The following CLMP variants were observed in gnomAD, a reference collection of about 807,000 sequenced individuals.
CLMP encodes CXADR like cell adhesion molecule.
In CLMP, 27 loss-of-function variants were observed where a neutral mutation model predicts 45.2. The observed-to-expected ratio is 0.60, with a 90% confidence interval of 0.44 to 0.82. The LOEUF is 0.82. Among genes scored for constraint, CLMP ranks in the 40% least tolerant of loss-of-function variants. The probability of loss-of-function intolerance (pLI) is 0.00; values close to 1 mark genes in which losing one functional copy is unlikely to be tolerated. For synonymous variants in CLMP, 167 were observed against 171.4 expected, an observed-to-expected ratio of 0.97 and a Z score of 0.20; for missense variants, 403 against 448.4, an observed-to-expected ratio of 0.90 and a Z score of 0.91.
In CLMP at chr11:123,080,206, A is replaced by G. The variant is rs116306733; in HGVS notation, c.679+2879T>C. ...CTGAGATCTAAGAGATCTAACATCTAAGAAAGCAAACTGCAGTGCTTTTGC... is the reference window on the plus strand; with the variant it reads ...CTGAGATCTAAGAGATCTAACATCTGAGAAAGCAAACTGCAGTGCTTTTGC... On this transcript the variant is annotated intron_variant, in intron 5 of 6. Coordinates refer to ENST00000448775, the MANE Select transcript of CLMP (RefSeq NM_024769.5). Among the ~76,000 whole-genome samples, 151 of 152,346 alleles carry G rather than the reference A, an allele frequency of 9.9e-4. 1 individual carries two copies. Among genetic ancestry groups the G allele is most frequent in the African/African-American group, 3.5e-3 (144 of 41,574 alleles).
At position 123,101,553 on chromosome 11, in the gene CLMP, A is replaced by G. The variant is rs1866060436; in HGVS notation, c.29-3601T>C. ...AATGGAGCAGGGGAGATTGTGCTTC[A>G]TTCTGCAGCAAGGCTGCTTGGGCTG... On this transcript the variant is annotated intron_variant, in intron 1 of 6. Transcript: ENST00000448775. 3.3e-5 allele frequency among the ~76,000 whole-genome samples: 5 copies of G among 152,222 alleles called. No homozygotes were observed. In the South Asian group the frequency reaches 1.0e-3, roughly 31 times the overall value.
At chr11:123,137,147 C>CTTTTTTTTTTTTTTT (rs375816483) in intron 1 of CLMP, among the ~76,000 whole-genome samples, 194 of 82,476 alleles carry the variant, frequency 2.4e-3, no homozygotes, top group Non-Finnish European at 2.8e-3. Flanking sequence ...TTTTCTTTTT[C>CTTTTTTTTTTTTTTT]TTTTTTTTTT....
chr11:123,084,647 A>G lies in CLMP; in HGVS notation c.253T>C (p.Phe85Leu). 2 of 1,614,224 alleles carry G rather than the reference A, an allele frequency of 1.2e-6. No individual in the cohort carries two copies. The highest frequency in any genetic ancestry group is 1.7e-6 in the Non-Finnish European group (2 of 1,180,042). The change falls in exon 3 of 7, where the codon TTT (phenylalanine) becomes CTT (leucine). Residue 85 changes from phenylalanine (F) to leucine (L), a missense_variant. Coordinates refer to ENST00000448775, the MANE Select transcript of CLMP (RefSeq NM_024769.5). ...LTEEQKGRVA[F>L]ASNFLAGDAS... ...TCTCCTGCCAGGAAATTGGAAGCAA[A>G]GGCCACTCGGCCCTTCTGTTCCTCA...
intron 2 of CLMP, among the ~76,000 whole-genome samples, chr11:123,087,852 G>A (rs1865883393): frequency 6.6e-6 from 1 of 151,860 alleles, no homozygotes; most frequent in Admixed American, 6.6e-5. Flanking sequence ...AAAAATGTTT[G>A]TAGGGTGTTG....
At chr11:123,150,480 A>AAAGAAAGAGG (rs764502298) in intron 1 of CLMP, among the ~76,000 whole-genome samples, 84 of 40,990 alleles carry the variant, frequency 2.0e-3, no homozygotes, top group Non-Finnish European at 3.3e-3. Flanking sequence ...AGAAAGAAAG[A>AAAGAAAGAGG]AAGGAAGGAA....
chr11:123,159,396 G>A (rs940201444), intron 1 of CLMP, among the ~76,000 whole-genome samples: 10 of 152,204 alleles, frequency 6.6e-5, no homozygotes, highest in Admixed American at 2.0e-4. Context: ...AAACAGGTGC[G>A]GTGGGTGAGG....
chr11:123,189,885 C>A (rs1202051817), intron 1 of CLMP, among the ~76,000 whole-genome samples: 1 of 151,760 alleles, frequency 6.6e-6, no homozygotes, highest in African/African-American at 2.4e-5. Context: ...GCCTGTAATC[C>A]CAGCTACTCA....
Position 123,163,140 on chromosome 11 carries a change from A to G in CLMP, c.28+31773T>C, listed in dbSNP as rs187299789. Among the ~76,000 whole-genome samples the G allele has an allele frequency of 1.4e-4, 22 of 152,254 alleles. No individual in the cohort carries two copies. The East Asian group carries it at 3.9e-3, about 27-fold the overall frequency. On this transcript the variant is annotated intron_variant, in intron 1 of 6. Coordinates refer to ENST00000448775, the MANE Select transcript of CLMP (RefSeq NM_024769.5). ...AAGGGTGTCCACAAATTCCCTAAGC[A>G]AAGAGGCAAGGGAGACAAAGAACAG...
intron 1 of CLMP, chr11:123,136,115 A>C (rs1243138990): frequency 4.8e-6 from 3 of 619,298 alleles, no homozygotes; most frequent in Non-Finnish European, 9.5e-6. Flanking sequence ...CGTAGCCACT[A>C]TGACTAGCAA....
At chr11:123,143,118 G>A (rs1861188608) in intron 1 of CLMP, among the ~76,000 whole-genome samples, 1 of 152,156 alleles carries the variant, frequency 6.6e-6, no homozygotes, top group African/African-American at 2.4e-5. Context: ...GGACACTGTG[G>A]AGTTCTGGGT....
intron 1 of CLMP, among the ~76,000 whole-genome samples, chr11:123,146,586 G>T (rs1238233360): frequency 6.6e-6 from 1 of 151,904 alleles, no homozygotes; most frequent in African/African-American, 2.4e-5. Context: ...TAAAATTCTG[G>T]CCTCAGCCTG....
chr11:123,144,052 G>A (rs925150989), intron 1 of CLMP, among the ~76,000 whole-genome samples: 7 of 151,844 alleles, frequency 4.6e-5, no homozygotes, highest in African/African-American at 1.5e-4. Flanking sequence ...CAAGTGATCC[G>A]TCTGCCTCAG....
chr11:123,093,877 C>T (rs1052902961), intron 2 of CLMP, among the ~76,000 whole-genome samples: 1 of 152,148 alleles, frequency 6.6e-6, no homozygotes, highest in Non-Finnish European at 1.5e-5. Context: ...AGCAGCTCAA[C>T]TTTCTGGCAG....
At chr11:123,194,852 C>T (rs1442066707) in intron 1 of CLMP, 61 bp downstream of exon 1, 5 of 1,603,528 alleles carry the variant, frequency 3.1e-6, no homozygotes, top group Middle Eastern at 1.7e-4. Context: ...GCGTCTTTCC[C>T]GGACGCAGGG....
At chr11:123,149,790 C>CCTTT (rs56251948) in intron 1 of CLMP, among the ~76,000 whole-genome samples, 51,505 of 149,692 alleles carry the variant, frequency 0.34, 9,574 homozygotes, top group African/African-American at 0.49. Flanking sequence ...TTTCTTTCTT[C>CCTTT]CTTTCTTTCT....
At position 123,152,478 on chromosome 11, in the gene CLMP, G is replaced by A. The variant is rs542035584; in HGVS notation, c.28+42435C>T. Among the ~76,000 whole-genome samples, 292 of 151,784 alleles carry A rather than the reference G, an allele frequency of 1.9e-3. 1 individual carries two copies. Among genetic ancestry groups the A allele is most frequent in the African/African-American group, 6.6e-3 (272 of 41,396 alleles). ...GTAGAGGTTGCAGTGAGCCGAGATC[G>A]TGCCACTGCACTCTAGCCTGGATGA... On this transcript the variant is annotated intron_variant, in intron 1 of 6. Coordinates refer to ENST00000448775, the MANE Select transcript of CLMP (RefSeq NM_024769.5).
At chr11:123,187,029 T>A (rs1163371246) in intron 1 of CLMP, among the ~76,000 whole-genome samples, 1 of 152,130 alleles carries the variant, frequency 6.6e-6, no homozygotes, top group Admixed American at 6.5e-5. Flanking sequence ...ACAACAGACA[T>A]TCATTTACTA....
intron 1 of CLMP, among the ~76,000 whole-genome samples, chr11:123,098,304 T>G (rs957691566): frequency 6.6e-6 from 1 of 152,110 alleles, no homozygotes; most frequent in African/African-American, 2.4e-5. Context: ...CTCGGCTCAC[T>G]GCAACCTCTG....
rs1861963458 is a variant in CLMP, at chr11:123,195,074, C to T, written c.-134G>A. On this transcript the variant is annotated 5_prime_UTR_variant, in exon 1 of 7. Transcript: ENST00000448775. ...GCGCGAGGTGGCTGCAGCCATGTGC[C>T]GGGCGGGAGCCGGCCCCGCGCCCCG... 2.8e-6 allele frequency: 2 copies of T among 712,620 alleles called. No homozygotes were observed. The highest frequency in any genetic ancestry group is 3.9e-6 in the Non-Finnish European group (2 of 511,990). The allele number at this position is 712,620 out of a possible 1,614,324, so 44.1% of individuals were successfully genotyped here.
Sources: gnomAD v4.1 joint callset for allele counts (sites outside exome capture counted in the v4.1 genomes callset) on GRCh38, gnomAD v4.1.1 for gene constraint, MANE v1.5 for transcripts, NCBI Gene and HGNC (gene_info 2026-07-23, HGNC 2026-07-21) for gene names.